Variants in CRISP1 observed in about 807,000 individuals in gnomAD.
CRISP1 encodes cysteine rich secretory protein 1, also known as cysteine-rich secretory protein 1.
A neutral mutation model predicts 33.1 loss-of-function variants in CRISP1; 44 were observed. The ratio of observed to expected loss-of-function variants is 1.33; its 90% CI spans 1.05 to 1.71. CRISP1 has a LOEUF of 1.71. CRISP1 is among the 40% of genes most tolerant of loss of function. The pLI is 0.00. For synonymous variants in CRISP1, 103 were observed against 98.7 expected, an observed-to-expected ratio of 1.04 and a Z score of -0.26; for missense variants, 390 against 301.2, an observed-to-expected ratio of 1.29 and a Z score of -2.18.
upstream of CRISP1, among the ~76,000 whole-genome samples, chr6:49,868,100 C>A (rs978750449): frequency 1.3e-5 from 2 of 152,122 alleles, no homozygotes; most frequent in African/African-American, 2.4e-5. Flanking sequence ...CTACCCAACA[C>A]AATGCTGTCT....
upstream of CRISP1, among the ~76,000 whole-genome samples, chr6:49,869,775 A>G (rs954441675): frequency 4.6e-5 from 7 of 152,200 alleles, no homozygotes; most frequent in Admixed American, 2.0e-4. Flanking sequence ...CTCAAAGTTT[A>G]TGTGTTGGAA....
In CRISP1 at chr6:49,848,271, G is replaced by T. The variant is rs1771248102; in HGVS notation, c.224C>A (p.Ala75Asp). ...MSWSEEAAQN[A>D]RIFSKYCDMT... ...ATCACAATACTTTGAAAAAATTCTG[G>T]CATTTTGTGCAGCCTCTTCACTCCA... The change falls in exon 4 of 8, where the codon GCC (alanine) becomes GAC (aspartate). Residue 75 changes from alanine to aspartate, a missense_variant. Coordinates refer to ENST00000335847, the MANE Select transcript of CRISP1 (RefSeq NM_001131.3). The T allele has an allele frequency of 1.2e-6, 2 of 1,604,144 alleles. No individual in the cohort carries two copies. Among genetic ancestry groups the T allele is most frequent in the African/African-American group, 1.4e-5 (1 of 73,854 alleles).
chr6:49,848,095 C>A (rs1011617814), intron 4 of CRISP1, 114 bp downstream of exon 4: 10 of 580,512 alleles, frequency 1.7e-5, no homozygotes, highest in African/African-American at 3.8e-5. Context: ...TGACCCAGTG[C>A]AAATGAGGAA....
chr6:49,872,247 G>C (rs1187639156), intron 1 of CRISP1, among the ~76,000 whole-genome samples: 1 of 151,432 alleles, frequency 6.6e-6, no homozygotes, highest in Non-Finnish European at 1.5e-5. Context: ...TGATGGGGTT[G>C]TTTGTTTTTT....
At position 49,838,417 on chromosome 6, in the gene CRISP1, C is replaced by T. The variant is rs778569665; in HGVS notation, c.622+20G>A. 1.9e-6 allele frequency: 3 copies of T among 1,583,342 alleles called. No individual in the cohort carries two copies. The highest frequency in any genetic ancestry group is 1.4e-5 in the African/African-American group (1 of 73,960). On this transcript the variant is annotated intron_variant, in intron 7 of 7. Transcript: ENST00000335847. ...GATCAATGGGTTAACTGTAAACAAA[C>T]AGAATGCAAACAAACTTACTGCAAA... is the stretch of plus-strand genomic sequence containing the variant.
At chr6:49,851,098 A>G (rs1472112236) in intron 3 of CRISP1, among the ~76,000 whole-genome samples, 1 of 152,230 alleles carries the variant, frequency 6.6e-6, no homozygotes, top group Non-Finnish European at 1.5e-5. Context: ...AGGAATGCCT[A>G]TGAAAGCTAT....
At chr6:49,862,619 G>T (rs1020074593) in intron 1 of CRISP1, among the ~76,000 whole-genome samples, 1 of 151,860 alleles carries the variant, frequency 6.6e-6, no homozygotes, top group African/African-American at 2.4e-5. Flanking sequence ...TGGGATAATC[G>T]GTATCACCTG....
At chr6:49,860,030 G>T (rs919492397) in intron 1 of CRISP1, among the ~76,000 whole-genome samples, 8 of 151,950 alleles carry the variant, frequency 5.3e-5, no homozygotes, top group South Asian at 2.1e-4. Context: ...GACAAAGAAG[G>T]TCATTATGTA....
intron 1 of CRISP1, among the ~76,000 whole-genome samples, chr6:49,860,383 T>C (rs992242512): frequency 1.3e-5 from 2 of 152,108 alleles, no homozygotes; most frequent in African/African-American, 4.8e-5. Flanking sequence ...AAAACAAGTC[T>C]CAACAAGTTT....
chr6:49,836,132 T>C lies in CRISP1; in HGVS notation c.623-689A>G, dbSNP rs190965565. Among the ~76,000 whole-genome samples the C allele has an allele frequency of 7.4e-3, 1,124 of 152,218 alleles. 17 individuals carry two copies. Among genetic ancestry groups the C allele is most frequent in the African/African-American group, 0.026 (1,097 of 41,498 alleles). ...CTCTATCACAACTAACCAATGTATC[T>C]ATTTGTCTCTATATAAAGGCAAAAA... On this transcript the variant is annotated intron_variant, in intron 7 of 7. Coordinates refer to ENST00000335847, the MANE Select transcript of CRISP1 (RefSeq NM_001131.3).
upstream of CRISP1, among the ~76,000 whole-genome samples, chr6:49,871,438 A>G (rs76059609): frequency 6.6e-6 from 1 of 152,070 alleles, no homozygotes; most frequent in Non-Finnish European, 1.5e-5. Context: ...GTCAAAGCCA[A>G]TTTTTTCTAA....
chr6:49,866,547 T>C (rs1771802069), upstream of CRISP1: 1 of 152,110 alleles, frequency 6.6e-6, no homozygotes, highest in African/African-American at 2.4e-5. Context: ...AGGTAGTCAG[T>C]ACAAGGTAAA....
At chr6:49,839,736 T>C (rs1489041519) in intron 6 of CRISP1, among the ~76,000 whole-genome samples, 3 of 152,164 alleles carry the variant, frequency 2.0e-5, no homozygotes, top group Admixed American at 1.3e-4. Flanking sequence ...TTTGGATCAG[T>C]TGAAGTTCAC....
chr6:49,840,894 A>G lies in CRISP1; in HGVS notation c.533+4T>C, dbSNP rs1322186120. 3 of 1,609,238 alleles carry G rather than the reference A, an allele frequency of 1.9e-6. No individual in the cohort carries two copies. Among genetic ancestry groups the G allele is most frequent in the East Asian group, 2.2e-5 (1 of 44,812 alleles). On this transcript the variant is annotated splice_donor_region_variant and intron_variant, in intron 6 of 7. Transcript: ENST00000335847. Reference sequence around the variant, plus strand: ...TATATATTTTAAAAACTAATAATACATACTCATGACAATAGTGACAAACGT... The same window carrying G: ...TATATATTTTAAAAACTAATAATACGTACTCATGACAATAGTGACAAACGT...
Position 49,852,021 on chromosome 6 carries a change from C to T in CRISP1, c.175G>A (p.Ala59Thr), listed in dbSNP as rs1422161717. The change falls in exon 3 of 8, where the codon GCC becomes ACC. Residue 59 changes from alanine to threonine, a missense_variant. Physicochemically the swap from Ala to Thr is moderately conservative, Grantham distance 58. Transcript: ENST00000335847. ...CTTACCATCTTCAGCATGTTGCTGG[C>T]TGGTGGAACTACTCTTCTCCTGAGG... is the stretch of plus-strand genomic sequence containing the variant. ...NALRRRVVPP[A>T]SNMLKMSWSE... 2 of 1,609,818 alleles carry T rather than the reference C, an allele frequency of 1.2e-6. No individual in the cohort carries two copies. Among genetic ancestry groups the T allele is most frequent in the Admixed American group, 1.7e-5 (1 of 59,056 alleles).
chr6:49,863,207 A>C (rs1269327242), intron 1 of CRISP1, among the ~76,000 whole-genome samples: 1 of 152,166 alleles, frequency 6.6e-6, no homozygotes, highest in Non-Finnish European at 1.5e-5. Flanking sequence ...TGAAAATATA[A>C]ATGGGCCCAG....
upstream of CRISP1, among the ~76,000 whole-genome samples, chr6:49,867,870 C>T (rs1042999030): frequency 3.9e-5 from 6 of 152,102 alleles, no homozygotes; most frequent in Non-Finnish European, 7.4e-5. Flanking sequence ...TATTGAGCAA[C>T]TTTCTCCAAC....
At chr6:49,861,980 T>C (rs1771665938) in intron 1 of CRISP1, among the ~76,000 whole-genome samples, 1 of 152,148 alleles carries the variant, frequency 6.6e-6, no homozygotes, top group Non-Finnish European at 1.5e-5. Context: ...GTCTTTTCTC[T>C]AAGGCCTATA....
At chr6:49,857,458 G>A (rs771034381) in intron 1 of CRISP1, 56 bp from the exon 2 acceptor site, 23 of 1,499,678 alleles carry the variant, frequency 1.5e-5, no homozygotes, top group Non-Finnish European at 2.1e-5. Flanking sequence ...ATAACATCTG[G>A]TAATAAACTA....
Sources: allele counts gnomAD v4.1 joint callset (sites outside exome capture counted in the v4.1 genomes callset), GRCh38; gene constraint gnomAD v4.1.1; transcripts MANE v1.5; gene names NCBI Gene and HGNC (gene_info 2026-07-23, HGNC 2026-07-21).